Variants in GAD1 observed in about 807,000 individuals in gnomAD.
GAD1 encodes glutamate decarboxylase 1, also known as 67 kDa glutamic acid decarboxylase.
GAD1 carries 35 observed loss-of-function variants against 75.2 expected under a neutral mutation model. That is an observed-to-expected ratio of 0.47 (90% CI 0.36 to 0.62). The LOEUF (loss-of-function observed/expected upper bound fraction) is 0.62. Among genes scored for constraint, GAD1 ranks in the 20% least tolerant of loss-of-function variants. The pLI, the probability that GAD1 is intolerant of heterozygous loss-of-function variation, is 0.00. For missense variants in GAD1, 490 were observed against 758.5 expected (o/e 0.65, Z 4.16); for synonymous variants, 257 against 271.9 (o/e 0.95, Z 0.54).
chr2:170,833,486 C>T (rs1702293028), intron 5 of GAD1, among the ~76,000 whole-genome samples: 1 of 152,184 alleles, frequency 6.6e-6, no homozygotes, highest in Admixed American at 6.5e-5. Flanking sequence ...TGTTATTCGG[C>T]TGCATTTTAA....
At chr2:170,829,260 C>T in intron 3 of GAD1, 1 of 592,018 alleles carries the variant, frequency 1.7e-6, no homozygotes, top group Non-Finnish European at 3.0e-6. Context: ...TTCTCTCTTG[C>T]ATGACTGGGC....
chr2:170,842,736 A>T (rs1702544262), intron 6 of GAD1: 1 of 1,574,456 alleles, frequency 6.4e-7, no homozygotes, highest in Non-Finnish European at 8.6e-7. Flanking sequence ...TTCTTTTTGG[A>T]AATAAAATAC....
chr2:170,846,173 C>G (rs1168909626), intron 10 of GAD1, 110 bp downstream of exon 10: 1 of 950,272 alleles, frequency 1.1e-6, no homozygotes, highest in African/African-American at 1.6e-5. Context: ...TTCTAAAATT[C>G]TATTCTTCAA....
At chr2:170,847,883 C>T (rs1702667925) in intron 11 of GAD1, 91 bp downstream of exon 11, 1 of 844,004 alleles carries the variant, frequency 1.2e-6, no homozygotes, top group East Asian at 2.4e-5. Context: ...ACGCCCCAGC[C>T]AGCCCTCTCT....
At chr2:170,839,980 C>T (rs1256565745) in intron 6 of GAD1, among the ~76,000 whole-genome samples, 2 of 152,130 alleles carry the variant, frequency 1.3e-5, no homozygotes, top group Non-Finnish European at 2.9e-5. Flanking sequence ...TTTACACCAC[C>T]GGGCAGGTCA....
At chr2:170,848,738 T>A (rs1193955519) in intron 11 of GAD1, 1 of 518,752 alleles carries the variant, frequency 1.9e-6, no homozygotes, top group Non-Finnish European at 3.8e-6. Context: ...ACTGAACTAA[T>A]GACTAACAAA....
In GAD1 at chr2:170,857,225, G is replaced by A. The variant is rs900048091; in HGVS notation, c.1521+100G>A. 10 of 844,666 alleles carry A rather than the reference G, an allele frequency of 1.2e-5. 1 individual carries two copies. In the Admixed American group the frequency reaches 1.6e-4, roughly 13 times the overall value. The allele number at this position is 844,666 out of a possible 1,614,324, so 52.3% of individuals were successfully genotyped here. Reference sequence around the variant, plus strand: ...AACATGGGAAAATCAATCCCATGTTGCCAGAAACTGCTTCAAAATTTTTAT... The same window carrying A: ...AACATGGGAAAATCAATCCCATGTTACCAGAAACTGCTTCAAAATTTTTAT... On this transcript the variant is annotated intron_variant, in intron 15 of 16. Transcript: ENST00000358196.
rs763406766 is a variant in GAD1, at chr2:170,858,821, C to T, written c.1539C>T (p.Val513=). Residue 513 remains valine (V), a synonymous_variant, in exon 16 of 17, where the codon GTC becomes GTT. Transcript: ENST00000358196. ...VFNGEPEHTN[V]CFWYIPQSLR... The stretch of plus-strand genomic sequence containing the variant: ...CTCTGCAGCCTGAGCACACAAACGT[C>T]TGTTTTTGGTATATTCCACAAAGCC... 3.1e-6 allele frequency: 5 copies of T among 1,614,024 alleles called. No individual in the cohort carries two copies. Among genetic ancestry groups the T allele is most frequent in the Non-Finnish European group, 4.2e-6 (5 of 1,180,000 alleles).
At chr2:170,837,921 A>G (rs948787700) in intron 6 of GAD1, among the ~76,000 whole-genome samples, 1 of 152,244 alleles carries the variant, frequency 6.6e-6, no homozygotes, top group African/African-American at 2.4e-5. Context: ...AGTTTAAGGT[A>G]GTCTGTTTTT....
intron 5 of GAD1, among the ~76,000 whole-genome samples, chr2:170,834,903 G>A (rs1046594513): frequency 1.3e-5 from 2 of 151,756 alleles, no homozygotes; most frequent in Admixed American, 1.3e-4. Context: ...CTGAGAAGCT[G>A]GGATTATAGG....
chr2:170,858,944 G>A (rs775694388), intron 16 of GAD1, 51 bp downstream of exon 16: 3 of 1,482,040 alleles, frequency 2.0e-6, no homozygotes, highest in East Asian at 2.3e-5. Context: ...TCTCTGGCTG[G>A]TCAGGACATC....
At chr2:170,821,984 T>C (rs1022063034) in intron 2 of GAD1, 103 bp from the exon 3 acceptor site, 3 of 998,770 alleles carry the variant, frequency 3.0e-6, no homozygotes, top group Non-Finnish European at 4.6e-6. Context: ...TGAAGAGCTC[T>C]GGCAAAGTCC....
At chr2:170,821,848 C>G in intron 2 of GAD1, 1 of 541,836 alleles carries the variant, frequency 1.8e-6, no homozygotes, top group Non-Finnish European at 3.3e-6. Context: ...CCGGGTGCCC[C>G]GCCTCTCAGA....
intron 14 of GAD1, among the ~76,000 whole-genome samples, chr2:170,855,499 C>T (rs1306174397): frequency 6.6e-6 from 1 of 151,720 alleles, no homozygotes; most frequent in Non-Finnish European, 1.5e-5. Flanking sequence ...TGAGCCACCG[C>T]ACCCAGCTCT....
At position 170,854,350 on chromosome 2, in the gene GAD1, TA is replaced by T. The variant is rs550139003; in HGVS notation, c.1413+337del. ...TATTTAGTGCAGGCATAGAGAAAGA[TA>T]AAAAAAAATAAAATTACTGCATTAT... On this transcript the variant is annotated intron_variant, in intron 14 of 16. Transcript: ENST00000358196. Among the ~76,000 whole-genome samples the T allele has an allele frequency of 1.1e-4, 16 of 143,374 alleles. No individual in the cohort carries two copies. The South Asian group carries it at 2.7e-3, about 24-fold the overall frequency. 94.1% of individuals were successfully genotyped at this position (143,374 alleles called of 152,430 possible). A position where few individuals can be genotyped will look rare whatever the true frequency, so the allele number is the denominator to read the frequency against.
At chr2:170,829,953 T>C (rs1242842834) in intron 4 of GAD1, 1 of 357,230 alleles carries the variant, frequency 2.8e-6, no homozygotes, top group Non-Finnish European at 5.3e-6. Flanking sequence ...ATTTCCTTAA[T>C]AACGTTTATC....
chr2:170,847,568 T>C, intron 10 of GAD1, 108 bp from the exon 11 acceptor site: 5 of 813,474 alleles, frequency 6.1e-6, no homozygotes, highest in East Asian at 2.4e-5. Context: ...ACATAAGTTT[T>C]GCCATTTACT....
In GAD1 at chr2:170,858,867, C is replaced by T. The variant is rs749219007; in HGVS notation, c.1585C>T (p.Pro529Ser). Residue 529 changes from proline to serine, a missense_variant, in exon 16 of 17, where the codon CCT (proline) becomes TCT (serine). Coordinates refer to ENST00000358196, the MANE Select transcript of GAD1 (RefSeq NM_000817.3). The part of the protein sequence containing the change: ...PQSLRGVPDS[P>S]QRREKLHKVA... ...AAGCCTCAGGGGTGTGCCAGACAGC[C>T]CTCAACGACGGGAAAAGCTACACAA... 1.2e-6 allele frequency: 2 copies of T among 1,614,094 alleles called. No homozygotes were observed. Among genetic ancestry groups the T allele is most frequent in the Non-Finnish European group, 1.7e-6 (2 of 1,179,984 alleles).
At chr2:170,814,203 A>G (rs949206383), upstream of GAD1, among the ~76,000 whole-genome samples, 2 of 152,214 alleles carry the variant, frequency 1.3e-5, no homozygotes, top group Admixed American at 6.5e-5. Context: ...CCTACCGGAG[A>G]GAAGAGCAGT....
Sources: allele counts gnomAD v4.1 joint callset (sites outside exome capture counted in the v4.1 genomes callset), GRCh38; gene constraint gnomAD v4.1.1; transcripts MANE v1.5; gene names NCBI Gene and HGNC (gene_info 2026-07-23, HGNC 2026-07-21).